Variants in SRGAP3 observed in about 807,000 individuals in gnomAD.
The protein encoded by SRGAP3 is SLIT-ROBO Rho GTPase-activating protein 3.
Under a neutral mutation model 121.1 loss-of-function variants are expected in SRGAP3, and 39 were observed. The ratio of observed to expected loss-of-function variants is 0.32; its 90% CI spans 0.25 to 0.42. The LOEUF (loss-of-function observed/expected upper bound fraction) is 0.42, where lower values mean the gene tolerates loss of function less well. Ranked by LOEUF, SRGAP3 falls within the 10% of genes least tolerant of loss-of-function variation. SRGAP3 has a pLI of 1.00. For missense variants in SRGAP3, 1,213 were observed against 1,470.6 expected (o/e 0.82, Z 2.86); for synonymous variants, 601 against 570.0 (o/e 1.05, Z -0.77).
chr3:9,357,701 T>C (rs1166482277), intron 1 of SRGAP3, among the ~76,000 whole-genome samples: 1 of 152,180 alleles, frequency 6.6e-6, no homozygotes, highest in Non-Finnish European at 1.5e-5. Flanking sequence ...TTTGTTTTCA[T>C]TGTATTTATT....
intron 2 of SRGAP3, among the ~76,000 whole-genome samples, chr3:9,118,693 C>G (rs59255350): frequency 1.1e-4 from 6 of 55,392 alleles, no homozygotes; most frequent in African/African-American, 1.7e-4. Flanking sequence ...ATTGCCAGGC[C>G]CCCCCCCCAA....
chr3:9,102,638 C>G (rs185433182), intron 3 of SRGAP3, among the ~76,000 whole-genome samples: 1 of 152,338 alleles, frequency 6.6e-6, no homozygotes, highest in East Asian at 1.9e-4. Context: ...AGGCTCCGTC[C>G]GCGCCTCTCT....
intron 2 of SRGAP3, among the ~76,000 whole-genome samples, chr3:9,123,905 G>A (rs1949121069): frequency 6.6e-6 from 1 of 151,932 alleles, no homozygotes; most frequent in Admixed American, 6.6e-5. Context: ...ACCAGCTGGA[G>A]AGATGACCCA....
chr3:9,235,249 C>T (rs188380779), intron 1 of SRGAP3, among the ~76,000 whole-genome samples: 60 of 152,284 alleles, frequency 3.9e-4, no homozygotes, highest in Non-Finnish European at 6.0e-4. Flanking sequence ...ATTTTCCTAT[C>T]AGCTTTATTT....
chr3:9,216,041 C>CA (rs1282720318), intron 1 of SRGAP3, among the ~76,000 whole-genome samples: 1 of 152,118 alleles, frequency 6.6e-6, no homozygotes, highest in African/African-American at 2.4e-5. Flanking sequence ...CACATACACA[C>CA]ATGTATACAT....
At chr3:9,029,800 T>C (rs536719726) in intron 12 of SRGAP3, among the ~76,000 whole-genome samples, 12 of 152,280 alleles carry the variant, frequency 7.9e-5, no homozygotes, top group Non-Finnish European at 1.5e-4. Context: ...TATGAGTTTA[T>C]TGAACTGTGC....
chr3:8,987,103 T>G lies in SRGAP3; in HGVS notation c.2887-1171A>C, dbSNP rs569689610. On this transcript the variant is annotated intron_variant, in intron 21 of 21. Coordinates refer to ENST00000383836, the MANE Select transcript of SRGAP3 (RefSeq NM_014850.4). ...CACTCTGCACCATATTTTGTTCATC[T>G]ATTACAATCCCAGACATTTACTGTG... Among the ~76,000 whole-genome samples the G allele has an allele frequency of 2.0e-5, 3 of 152,386 alleles. No individual in the cohort carries two copies. In the East Asian group the frequency reaches 5.8e-4, roughly 29 times the overall value.
chr3:9,134,706 G>C (rs1323218990), intron 1 of SRGAP3, among the ~76,000 whole-genome samples: 1 of 152,058 alleles, frequency 6.6e-6, no homozygotes, highest in Non-Finnish European at 1.5e-5. Context: ...ATCATGTCCT[G>C]TTGTACCTCC....
intron 1 of SRGAP3, among the ~76,000 whole-genome samples, chr3:9,129,784 CAG>C (rs1949375201): frequency 6.7e-6 from 1 of 150,212 alleles, no homozygotes; most frequent in Admixed American, 6.6e-5. Context: ...TTTTTTGAGA[CAG>C]AGTCTTGCTC....
intron 3 of SRGAP3, among the ~76,000 whole-genome samples, chr3:9,296,705 A>G (rs1385219289): frequency 6.6e-6 from 1 of 152,216 alleles, no homozygotes; most frequent in Non-Finnish European, 1.5e-5. Context: ...CAGTTTCCCC[A>G]TATGTAAAAT....
Position 8,985,815 on chromosome 3 carries a change from G to C in SRGAP3, c.3004C>G (p.Pro1002Ala). The change falls in exon 22 of 22, where the codon CCA becomes GCA. Residue 1002 changes from proline to alanine, a missense_variant. Physicochemically the swap from Pro to Ala is conservative, Grantham distance 27. This residue lies in a region of SRGAP3 where 420 missense variants were observed against 437.7 expected (regional missense o/e 0.96). Coordinates refer to ENST00000383836, the MANE Select transcript of SRGAP3 (RefSeq NM_014850.4). This position sits in a 1 kb window ranked among gnomAD's most constrained non-coding sequence, Gnocchi z 5.1. ...GCGGGCTCCGAGCTGACGGGGCCTG[G>C]CGGGTTCTTCAGGGGCTCCAGGGTG... ...LDTLEPLKNP[P>A]GPVSSEPASP... The C allele has an allele frequency of 1.2e-6, 2 of 1,600,582 alleles. No individual in the cohort carries two copies. The highest frequency in any genetic ancestry group is 1.3e-5 in the African/African-American group (1 of 75,022).
At chr3:9,281,670 T>G (rs2125265543) in intron 3 of SRGAP3, among the ~76,000 whole-genome samples, 1 of 152,132 alleles carries the variant, frequency 6.6e-6, no homozygotes, top group South Asian at 2.1e-4. Flanking sequence ...TAGATACTTT[T>G]GTTTGTTTGT....
At chr3:9,110,146 T>C (rs1033201539) in intron 2 of SRGAP3, among the ~76,000 whole-genome samples, 3 of 152,046 alleles carry the variant, frequency 2.0e-5, no homozygotes, top group Non-Finnish European at 4.4e-5. Flanking sequence ...GGTAGGAAAT[T>C]GACTGGACAG....
intron 2 of SRGAP3, among the ~76,000 whole-genome samples, chr3:9,328,650 A>T (rs1274419181): frequency 2.6e-5 from 4 of 152,224 alleles, no homozygotes; most frequent in Non-Finnish European, 4.4e-5. Flanking sequence ...AGGAAAATTT[A>T]AAATAGTCTG....
At position 9,165,854 on chromosome 3, in the gene SRGAP3, T is replaced by A. The variant is rs114023910; in HGVS notation, c.68-40937A>T. ...TGAACCCTCAGCTAGGTCAGATGCC[T>A]TGTGAAATGCTTTCACAGATCTGAA... On this transcript the variant is annotated intron_variant, in intron 1 of 21. Coordinates refer to ENST00000383836, the MANE Select transcript of SRGAP3 (RefSeq NM_014850.4). Among the ~76,000 whole-genome samples, 1,023 of 152,322 alleles carry A rather than the reference T, an allele frequency of 6.7e-3. 25 individuals carry two copies. Among genetic ancestry groups the A allele is most frequent in the African/African-American group, 0.023 (973 of 41,574 alleles).
intron 3 of SRGAP3, among the ~76,000 whole-genome samples, chr3:9,102,451 C>T (rs577070188): frequency 1.3e-5 from 2 of 152,376 alleles, no homozygotes; most frequent in East Asian, 3.9e-4. Context: ...CAACGCTTTA[C>T]TTCCTCACCT....
chr3:9,086,598 G>A lies in SRGAP3; in HGVS notation c.424-6511C>T, dbSNP rs186227463. Among the ~76,000 whole-genome samples the A allele has an allele frequency of 4.1e-4, 60 of 147,754 alleles. 1 individual carries two copies. The East Asian group carries it at 0.011, about 27-fold the overall frequency. On this transcript the variant is annotated intron_variant, in intron 3 of 21. Transcript: ENST00000383836. ...GTATATGTGTGTGTGTATATATATAGGTACACACATATCTACATAAATATA... is the reference window on the plus strand; with the variant it reads ...GTATATGTGTGTGTGTATATATATAAGTACACACATATCTACATAAATATA...
chr3:9,053,008 G>T lies in SRGAP3; in HGVS notation c.1323+19C>A. On this transcript the variant is annotated intron_variant, in intron 9 of 21. Transcript: ENST00000383836. ...TGGCTTGGCCGACAGTGTGGTTCTG[G>T]GCCCAGGATGCCACTTACTGTAAAA... The T allele has an allele frequency of 1.9e-6, 3 of 1,612,632 alleles. No individual in the cohort carries two copies. Among genetic ancestry groups the T allele is most frequent in the Non-Finnish European group, 2.5e-6 (3 of 1,179,984 alleles).
chr3:9,070,488 A>T (rs1197821167), intron 4 of SRGAP3, among the ~76,000 whole-genome samples: 2 of 152,258 alleles, frequency 1.3e-5, no homozygotes, highest in Non-Finnish European at 2.9e-5. Context: ...CCCAGCAAGT[A>T]TCAACACATA....
Sources: gnomAD v4.1 joint callset for allele counts (sites outside exome capture counted in the v4.1 genomes callset) on GRCh38, gnomAD v4.1.1 for gene constraint, gnomAD v4.1.1 regional missense constraint, Gnocchi (gnomAD v3.1) non-coding constraint, MANE v1.5 for transcripts, NCBI Gene and HGNC (gene_info 2026-07-23, HGNC 2026-07-21) for gene names.